The following GRIA2 variants were observed in gnomAD, a reference collection of about 807,000 sequenced individuals.
GRIA2 encodes the protein glutamate ionotropic receptor AMPA type subunit 2, also known as glutamate receptor 2.
A neutral mutation model predicts 97.3 loss-of-function variants in GRIA2; 14 were observed. The observed-to-expected ratio is 0.14, with a 90% confidence interval of 0.10 to 0.23. The LOEUF (loss-of-function observed/expected upper bound fraction) is 0.23. Ranked by LOEUF, GRIA2 falls within the 10% of genes least tolerant of loss-of-function variation. GRIA2 has a pLI of 1.00. For synonymous variants in GRIA2, 412 were observed against 387.8 expected (o/e 1.06, Z -0.73); for missense variants, 558 against 1,069.8 (o/e 0.52, Z 6.67).
chr4:157,221,601 G>T, intron 1 of GRIA2, 66 bp from the exon 2 acceptor site: 1 of 1,522,492 alleles, frequency 6.6e-7, no homozygotes, highest in Non-Finnish European at 9.0e-7. Flanking sequence ...GGGCGCTAGC[G>T]CGCGCCCCTC....
At chr4:157,272,496 C>T (rs926453338) in intron 2 of GRIA2, among the ~76,000 whole-genome samples, 1 of 151,944 alleles carries the variant, frequency 6.6e-6, no homozygotes, top group Non-Finnish European at 1.5e-5. Flanking sequence ...GTTGCAGGCT[C>T]AGTGTGGATA....
intron 2 of GRIA2, among the ~76,000 whole-genome samples, chr4:157,268,314 A>G (rs951707873): frequency 6.6e-6 from 1 of 152,042 alleles, no homozygotes; most frequent in African/African-American, 2.4e-5. Context: ...TTCATGTTCT[A>G]GAAGTTAATA....
chr4:157,315,455 T>G (rs1734270113), intron 4 of GRIA2, among the ~76,000 whole-genome samples: 1 of 151,970 alleles, frequency 6.6e-6, no homozygotes, highest in Admixed American at 6.6e-5. Flanking sequence ...ATAGCACTCC[T>G]TATTGCAACA....
intron 6 of GRIA2, among the ~76,000 whole-genome samples, chr4:157,327,826 G>A (rs1734872863): frequency 6.6e-6 from 1 of 152,070 alleles, no homozygotes; most frequent in South Asian, 2.1e-4. Context: ...TCCTAAGAGA[G>A]TTATTAGATC....
intron 12 of GRIA2, among the ~76,000 whole-genome samples, chr4:157,344,467 T>C (rs2126958346): frequency 6.6e-6 from 1 of 152,202 alleles, no homozygotes; most frequent in African/African-American, 2.4e-5. Flanking sequence ...TGAAGTGGGC[T>C]AAAGCCAGGC....
chr4:157,235,055 A>G (rs1392433121), intron 2 of GRIA2, among the ~76,000 whole-genome samples: 1 of 152,102 alleles, frequency 6.6e-6, no homozygotes, highest in Non-Finnish European at 1.5e-5. Flanking sequence ...TCAATGTAGG[A>G]TCATAAGACC....
At chr4:157,316,499 C>T (rs1325280374) in intron 4 of GRIA2, among the ~76,000 whole-genome samples, 1 of 152,022 alleles carries the variant, frequency 6.6e-6, no homozygotes, top group East Asian at 1.9e-4. Context: ...GGGTAGTTTT[C>T]TCCCAGGGGG....
intron 2 of GRIA2, among the ~76,000 whole-genome samples, chr4:157,231,978 A>G (rs1730039573): frequency 6.6e-6 from 1 of 152,218 alleles, no homozygotes; most frequent in Admixed American, 6.5e-5. Context: ...ATATTTTGTC[A>G]TTGAGGCTAA....
intron 5 of GRIA2, among the ~76,000 whole-genome samples, 191 bp downstream of exon 5, chr4:157,317,902 G>A (rs1401551131): frequency 6.6e-6 from 1 of 152,106 alleles, no homozygotes; most frequent in Non-Finnish European, 1.5e-5. Flanking sequence ...CTTGAATCCA[G>A]AAGGCGGAGG....
rs187090645 is a variant in GRIA2 at position 157,350,362 on chromosome 4, A to G, written c.2043+8900A>G. ...GTCCATGTTAGTCTTACAGTGCGGT[A>G]TCTAGATCTGGGGTCTGATTTGATC... On this transcript the variant is annotated intron_variant, in intron 12 of 15. Transcript: ENST00000264426. Among the ~76,000 whole-genome samples, 208 of 152,200 alleles carry G rather than the reference A, an allele frequency of 1.4e-3. 1 individual carries two copies. Among genetic ancestry groups the G allele is most frequent in the Non-Finnish European group, 2.5e-3 (170 of 67,976 alleles).
intron 2 of GRIA2, among the ~76,000 whole-genome samples, chr4:157,243,293 A>G (rs988374600): frequency 5.9e-5 from 9 of 152,116 alleles, no homozygotes; most frequent in Non-Finnish European, 1.2e-4. Flanking sequence ...CAGTTTAGGC[A>G]AAACAGATAG....
chr4:157,231,417 T>A (rs1179060396), intron 2 of GRIA2, among the ~76,000 whole-genome samples: 1 of 152,126 alleles, frequency 6.6e-6, no homozygotes, highest in African/African-American at 2.4e-5. Context: ...CCTTAAGCGA[T>A]CCTGTCACCT....
intron 11 of GRIA2, among the ~76,000 whole-genome samples, chr4:157,337,468 C>T (rs545277420): frequency 1.4e-4 from 21 of 151,940 alleles, no homozygotes; most frequent in Admixed American, 7.9e-4. Context: ...TCATGTTGCA[C>T]GTATGAATAA....
At chr4:157,341,586 C>T in intron 12 of GRIA2, 124 bp downstream of exon 12, 1 of 674,756 alleles carries the variant, frequency 1.5e-6, no homozygotes, top group South Asian at 1.8e-5. Flanking sequence ...TATTTCTTTT[C>T]TTGACTTTGT....
chr4:157,277,549 G>A (rs1446584765), intron 2 of GRIA2, among the ~76,000 whole-genome samples: 1 of 151,530 alleles, frequency 6.6e-6, no homozygotes, highest in Non-Finnish European at 1.5e-5. Context: ...TACAAGAAAT[G>A]GAAATTAAGT....
chr4:157,284,844 G>T (rs1732767265), intron 2 of GRIA2, among the ~76,000 whole-genome samples: 1 of 151,648 alleles, frequency 6.6e-6, no homozygotes, highest in Admixed American at 6.6e-5. Context: ...CCAGTGCCTG[G>T]TGGTTTGTGG....
chr4:157,347,442 C>A (rs1215767412), intron 12 of GRIA2, among the ~76,000 whole-genome samples: 1 of 152,234 alleles, frequency 6.6e-6, no homozygotes, highest in African/African-American at 2.4e-5. Context: ...GAAAGCATTC[C>A]TTTTCATACC....
chr4:157,254,326 AC>A (rs1731147406), intron 2 of GRIA2, among the ~76,000 whole-genome samples: 1 of 152,128 alleles, frequency 6.6e-6, no homozygotes, highest in Non-Finnish European at 1.5e-5. Context: ...AGGATATAAC[AC>A]AAAGAACATA....
At chr4:157,320,475 C>A (rs576552390) in intron 5 of GRIA2, among the ~76,000 whole-genome samples, 12 of 152,114 alleles carry the variant, frequency 7.9e-5, no homozygotes, top group African/African-American at 2.9e-4. Flanking sequence ...TACGGTAAAA[C>A]AGAATATATG....
Sources: gnomAD v4.1 joint callset for allele counts (sites outside exome capture counted in the v4.1 genomes callset) on GRCh38, gnomAD v4.1.1 for gene constraint, MANE v1.5 for transcripts, NCBI Gene and HGNC (gene_info 2026-07-23, HGNC 2026-07-21) for gene names.